The following SORCS2 variants were observed in gnomAD, a reference collection of about 807,000 sequenced individuals.
SORCS2 encodes VPS10 domain-containing receptor SorCS2.
Under a neutral mutation model 141.6 loss-of-function variants are expected in SORCS2, and 100 were observed. The observed-to-expected ratio is 0.71, with a 90% CI of 0.60 to 0.83. The LOEUF is 0.83. Ranked by LOEUF, SORCS2 falls within the 40% of genes least tolerant of loss-of-function variation. SORCS2 has a pLI of 0.00. For missense variants in SORCS2, 1,646 were observed against 1,560.2 expected, an observed-to-expected ratio of 1.05 and a Z score of -0.93; for synonymous variants, 789 against 676.9, an observed-to-expected ratio of 1.17 and a Z score of -2.57.
chr4:7,472,517 T>C (rs368402557), intron 2 of SORCS2, among the ~76,000 whole-genome samples: 23 of 151,898 alleles, frequency 1.5e-4, no homozygotes, highest in African/African-American at 5.6e-4. Context: ...CAAAGGACTG[T>C]GGCTTTGACG....
At chr4:7,427,883 G>A (rs1411479028) in intron 2 of SORCS2, among the ~76,000 whole-genome samples, 1 of 151,894 alleles carries the variant, frequency 6.6e-6, no homozygotes, top group Non-Finnish European at 1.5e-5. Context: ...TGCAACGCTG[G>A]GAATCACATT....
At chr4:7,453,310 GTGTGTTGGGGTCAGGCAC>G (rs1421133478) in intron 2 of SORCS2, among the ~76,000 whole-genome samples, 2 of 133,290 alleles carry the variant, frequency 1.5e-5, no homozygotes, top group Non-Finnish European at 3.2e-5. Context: ...GTCAGGTGCT[GTGTGTTGGGGTCAGGCAC>G]TGTGTTGGGG....
chr4:7,412,108 C>T (rs368873011), intron 2 of SORCS2, among the ~76,000 whole-genome samples: 10 of 152,216 alleles, frequency 6.6e-5, no homozygotes, highest in African/African-American at 2.2e-4. Flanking sequence ...GACACTCTGC[C>T]CCTCTGTACT....
chr4:7,270,120 A>T (rs976670824), intron 1 of SORCS2, among the ~76,000 whole-genome samples: 28 of 152,346 alleles, frequency 1.8e-4, no homozygotes, highest in Middle Eastern at 3.4e-3. Context: ...GCCTCAAGTG[A>T]TCCTCCCGCC....
chr4:7,196,554 G>A (rs969153003), intron 1 of SORCS2, among the ~76,000 whole-genome samples: 2 of 152,004 alleles, frequency 1.3e-5, no homozygotes, highest in Non-Finnish European at 2.9e-5. Context: ...CTGCAGCCTG[G>A]TCCAGTTTGT....
chr4:7,556,814 TCCATCCATCTAC>T (rs1260277349), intron 3 of SORCS2, among the ~76,000 whole-genome samples: 1 of 138,608 alleles, frequency 7.2e-6, no homozygotes. Context: ...CTGCCCATCA[TCCATCCATCTAC>T]CCATCCATCC....
intron 3 of SORCS2, among the ~76,000 whole-genome samples, chr4:7,623,389 G>T (rs140126361): frequency 6.6e-6 from 1 of 151,966 alleles, no homozygotes; most frequent in Admixed American, 6.6e-5. Context: ...TTGAGCTCTC[G>T]GTGGCTGGCC....
chr4:7,361,671 T>C (rs1721588231), intron 1 of SORCS2, among the ~76,000 whole-genome samples: 1 of 151,046 alleles, frequency 6.6e-6, no homozygotes, highest in Admixed American at 6.6e-5. Context: ...ACGCCCACAG[T>C]GAGAGAAGGG....
intron 1 of SORCS2, among the ~76,000 whole-genome samples, chr4:7,262,521 G>A (rs1053401283): frequency 2.6e-5 from 4 of 152,196 alleles, no homozygotes; most frequent in Non-Finnish European, 5.9e-5. Context: ...AGCTTCCAGT[G>A]TAGTGTGGAG....
intron 2 of SORCS2, among the ~76,000 whole-genome samples, chr4:7,448,227 A>G (rs12505450): frequency 0.87 from 132,510 of 152,154 alleles, 58,036 homozygotes; most frequent in Middle Eastern, 0.93. Flanking sequence ...GAGTGGCCGG[A>G]GTGTGGCGCC....
chr4:7,300,860 A>G (rs1717384159), intron 1 of SORCS2, among the ~76,000 whole-genome samples: 1 of 152,162 alleles, frequency 6.6e-6, no homozygotes, highest in Non-Finnish European at 1.5e-5. Flanking sequence ...GCCCTGTTTG[A>G]GAGCCATCTG....
At position 7,232,806 on chromosome 4, in the gene SORCS2, G is replaced by C. The variant is rs938050937; in HGVS notation, c.480+39680G>C. Among the ~76,000 whole-genome samples, 4 of 152,328 alleles carry C rather than the reference G, an allele frequency of 2.6e-5. No individual in the cohort carries two copies. In the East Asian group the frequency reaches 7.7e-4, roughly 29 times the overall value. ...CAGGGATGCCATGGGGGTGCCCAGG[G>C]CACCCGGTTCAATTCTGCCCAACAG... is the stretch of plus-strand genomic sequence containing the variant. On this transcript the variant is annotated intron_variant, in intron 1 of 26. Transcript: ENST00000507866.
At position 7,629,749 on chromosome 4, in the gene SORCS2, A is replaced by G. The variant is rs943885078; in HGVS notation, c.649-8579A>G. On this transcript the variant is annotated intron_variant, in intron 3 of 26. Transcript: ENST00000507866. The stretch of plus-strand genomic sequence containing the variant: ...AGATTTCCTCTCCGAGCCCAGCCCC[A>G]TATATCAAACCCCACCCTCCCTCTA... Among the ~76,000 whole-genome samples, 10 of 151,710 alleles carry G rather than the reference A, an allele frequency of 6.6e-5. 1 individual carries two copies. The South Asian group carries it at 1.0e-3, about 16-fold the overall frequency.
intron 1 of SORCS2, among the ~76,000 whole-genome samples, chr4:7,386,508 C>T (rs1723336725): frequency 3.5e-5 from 3 of 84,898 alleles, no homozygotes; most frequent in African/African-American, 1.5e-4. Context: ...CACACATGCC[C>T]ACCATACACA....
At chr4:7,563,227 T>G (rs868646405) in intron 3 of SORCS2, among the ~76,000 whole-genome samples, 2 of 152,090 alleles carry the variant, frequency 1.3e-5, no homozygotes, top group Non-Finnish European at 2.9e-5. Flanking sequence ...CTTCTCTTCC[T>G]TTGTTGAGGG....
At chr4:7,622,258 G>T (rs1719243522) in intron 3 of SORCS2, among the ~76,000 whole-genome samples, 1 of 152,172 alleles carries the variant, frequency 6.6e-6, no homozygotes, top group Admixed American at 6.5e-5. Flanking sequence ...CAGGATCGAG[G>T]CCCCCATAGA....
chr4:7,621,739 G>C (rs1358847049), intron 3 of SORCS2, among the ~76,000 whole-genome samples: 1 of 152,216 alleles, frequency 6.6e-6, no homozygotes, highest in Non-Finnish European at 1.5e-5. Flanking sequence ...ACAGGTTGCC[G>C]GGGTGTGGCA....
intron 1 of SORCS2, among the ~76,000 whole-genome samples, chr4:7,350,718 C>T (rs1355612936): frequency 6.6e-6 from 1 of 152,232 alleles, no homozygotes; most frequent in Non-Finnish European, 1.5e-5. Context: ...GGCAGTCCTT[C>T]TCTTGGGCTT....
At chr4:7,591,775 C>G (rs1030286912) in intron 3 of SORCS2, among the ~76,000 whole-genome samples, 5 of 152,202 alleles carry the variant, frequency 3.3e-5, no homozygotes, top group African/African-American at 1.2e-4. Context: ...CCGGCAGAGG[C>G]CTCTGACCCC....
Sources: allele counts gnomAD v4.1 joint callset (sites outside exome capture counted in the v4.1 genomes callset), GRCh38; gene constraint gnomAD v4.1.1; transcripts MANE v1.5; gene names NCBI Gene and HGNC (gene_info 2026-07-23, HGNC 2026-07-21).